The following CSMD1 variants were observed in gnomAD, a reference collection of about 807,000 sequenced individuals.
CSMD1 encodes CUB and Sushi multiple domains 1, also known as CUB and sushi domain-containing protein 1.
A neutral mutation model predicts 417.5 loss-of-function variants in CSMD1; 213 were observed. The ratio of observed to expected loss-of-function variants is 0.51; its 90% CI spans 0.46 to 0.57. CSMD1 has a LOEUF of 0.57. Among genes scored for constraint, CSMD1 ranks in the 20% least tolerant of loss-of-function variants. The pLI, the probability that CSMD1 is intolerant of heterozygous loss-of-function variation, is 0.00. For missense variants in CSMD1, 6,923 were observed against 4,529.7 expected, an observed-to-expected ratio of 1.53 and a Z score of -15.17; for synonymous variants, 2,862 against 1,736.8, an observed-to-expected ratio of 1.65 and a Z score of -16.11.
intron 12 of CSMD1, among the ~76,000 whole-genome samples, chr8:3,433,826 C>T (rs546289366): frequency 9.8e-5 from 15 of 152,310 alleles, no homozygotes; most frequent in South Asian, 2.1e-4. Flanking sequence ...AACGGGCTCC[C>T]GTGGCAGCTC....
chr8:3,969,606 A>T (rs1230235970), intron 5 of CSMD1, among the ~76,000 whole-genome samples: 1 of 152,224 alleles, frequency 6.6e-6, no homozygotes, highest in African/African-American at 2.4e-5. Context: ...TCGTAACTTG[A>T]CATAAAATTA....
In CSMD1 at chr8:3,634,563, C is replaced by T. The variant is rs1198581100; in HGVS notation, c.1010-17766G>A. Among the ~76,000 whole-genome samples, 5 of 152,196 alleles carry T rather than the reference C, an allele frequency of 3.3e-5. No homozygotes were observed. The South Asian group carries it at 8.3e-4, about 25-fold the overall frequency. Reference sequence around the variant, plus strand: ...TTTTTGCCTTTAAACTGTCTCTTTTCACTGTCACAAGCCATAGCCATGCAC... The same window carrying T: ...TTTTTGCCTTTAAACTGTCTCTTTTTACTGTCACAAGCCATAGCCATGCAC... On this transcript the variant is annotated intron_variant, in intron 7 of 69. Coordinates refer to ENST00000635120, the MANE Select transcript of CSMD1 (RefSeq NM_033225.6).
In CSMD1 at chr8:4,954,423, T is replaced by C. The variant is rs565613666; in HGVS notation, c.85+39909A>G. On this transcript the variant is annotated intron_variant, in intron 1 of 69. Coordinates refer to ENST00000635120, the MANE Select transcript of CSMD1 (RefSeq NM_033225.6). Reference sequence around the variant, plus strand: ...GCTGTTTCCAGGTTAGCACTCCCAATGCTGTGCACAATTGTATAGCTGACA... The same window carrying C: ...GCTGTTTCCAGGTTAGCACTCCCAACGCTGTGCACAATTGTATAGCTGACA... Among the ~76,000 whole-genome samples the C allele has an allele frequency of 4.5e-4, 68 of 152,272 alleles. No individual in the cohort carries two copies. The South Asian group carries it at 7.7e-3, about 17-fold the overall frequency.
At chr8:4,885,207 T>C (rs1803658486) in intron 1 of CSMD1, among the ~76,000 whole-genome samples, 1 of 152,098 alleles carries the variant, frequency 6.6e-6, no homozygotes, top group Non-Finnish European at 1.5e-5. Context: ...CTAAATTTTA[T>C]TTTTAGATAT....
At chr8:4,413,236 C>T (rs1456371885) in intron 3 of CSMD1, among the ~76,000 whole-genome samples, 2 of 152,202 alleles carry the variant, frequency 1.3e-5, no homozygotes, top group African/African-American at 2.4e-5. Flanking sequence ...CAGGGTGCAA[C>T]TGTGAGCTGG....
rs1402022411 is a variant in CSMD1 at position 3,018,655 on chromosome 8, A to C, written c.7856-5T>G. On this transcript the variant is annotated splice_region_variant and splice_polypyrimidine_tract_variant and intron_variant, in intron 51 of 69. Transcript: ENST00000635120. ...AAAGGCTTCCACACGAGATAACTAG[A>C]AGGAAAAACAATAAAATGAACATCA... is the stretch of plus-strand genomic sequence containing the variant. The C allele has an allele frequency of 6.2e-7, 1 of 1,608,900 alleles. No individual in the cohort carries two copies. The highest frequency in any genetic ancestry group is 2.2e-5 in the East Asian group (1 of 44,760).
chr8:3,613,477 T>G (rs1026825805), intron 8 of CSMD1, among the ~76,000 whole-genome samples: 3 of 151,962 alleles, frequency 2.0e-5, no homozygotes, highest in African/African-American at 7.2e-5. Flanking sequence ...CTATCATAAC[T>G]CATAAAAATA....
chr8:4,304,538 A>G (rs1798144237), intron 3 of CSMD1, among the ~76,000 whole-genome samples: 1 of 152,196 alleles, frequency 6.6e-6, no homozygotes, highest in South Asian at 2.1e-4. Context: ...GCCACCTGCT[A>G]GCTCATCGTG....
intron 2 of CSMD1, among the ~76,000 whole-genome samples, chr8:4,546,038 T>TG (rs1797615756): frequency 2.0e-5 from 3 of 152,292 alleles, no homozygotes; most frequent in South Asian, 4.1e-4. Flanking sequence ...CTTTTCAGCT[T>TG]CCCTCCACTT....
intron 26 of CSMD1, among the ~76,000 whole-genome samples, chr8:3,247,515 A>G (rs978215663): frequency 6.6e-6 from 1 of 152,216 alleles, no homozygotes; most frequent in African/African-American, 2.4e-5. Context: ...ATCCAACCCT[A>G]CGAGGCAAGC....
intron 5 of CSMD1, among the ~76,000 whole-genome samples, chr8:3,896,237 A>G (rs74999943): frequency 0.049 from 7,517 of 152,232 alleles, 251 homozygotes; most frequent in African/African-American, 0.096. Flanking sequence ...TGCTGTCACC[A>G]AAATTTCTCA....
At chr8:3,101,422 G>A (rs1207685044) in intron 46 of CSMD1, among the ~76,000 whole-genome samples, 3 of 152,118 alleles carry the variant, frequency 2.0e-5, no homozygotes, top group Non-Finnish European at 4.4e-5. Context: ...CTCCATATAA[G>A]GCTGACTACT....
chr8:3,204,522 T>C (rs1329694105), intron 31 of CSMD1, among the ~76,000 whole-genome samples: 14 of 152,170 alleles, frequency 9.2e-5, no homozygotes, highest in Admixed American at 9.2e-4. Flanking sequence ...TTACTGCCCA[T>C]TTATCATAAC....
At chr8:3,566,399 A>G (rs993545658) in intron 10 of CSMD1, among the ~76,000 whole-genome samples, 1 of 152,162 alleles carries the variant, frequency 6.6e-6, no homozygotes, top group Non-Finnish European at 1.5e-5. Flanking sequence ...GAACGGACCC[A>G]GGACATACAG....
chr8:4,406,575 G>C (rs1188659013), intron 3 of CSMD1, among the ~76,000 whole-genome samples: 1 of 152,080 alleles, frequency 6.6e-6, no homozygotes, highest in African/African-American at 2.4e-5. Flanking sequence ...AGGCATATGA[G>C]CTTCTGAGAC....
chr8:4,125,047 T>C (rs928657951), intron 3 of CSMD1, among the ~76,000 whole-genome samples: 1 of 151,846 alleles, frequency 6.6e-6, no homozygotes, highest in Non-Finnish European at 1.5e-5. Context: ...GTTTCTCTAA[T>C]TCAGCTGTAA....
intron 1 of CSMD1, among the ~76,000 whole-genome samples, chr8:4,934,982 A>C (rs36053043): frequency 1.3e-5 from 2 of 151,986 alleles, no homozygotes; most frequent in African/African-American, 2.4e-5. Flanking sequence ...TCTATCAATC[A>C]TCTGTCTATA....
In CSMD1 at chr8:3,189,038, A is replaced by G. The variant is rs770979221; in HGVS notation, c.5399-27T>C. ...TAAAAGACACAACCATATGTCATGA[A>G]ATAAAGTGCTGTGGGACAGTGTTGA... On this transcript the variant is annotated intron_variant, in intron 34 of 69. Transcript: ENST00000635120. 1.9e-6 allele frequency: 3 copies of G among 1,600,778 alleles called. No homozygotes were observed. In the Admixed American group the frequency reaches 5.1e-5, roughly 27 times the overall value.
chr8:4,285,055 C>T (rs574566621), intron 3 of CSMD1, among the ~76,000 whole-genome samples: 1 of 152,098 alleles, frequency 6.6e-6, no homozygotes, highest in Non-Finnish European at 1.5e-5. Context: ...AAGCATAACA[C>T]AATAGTCAGA....
Sources: gnomAD v4.1 joint callset for allele counts (sites outside exome capture counted in the v4.1 genomes callset) on GRCh38, gnomAD v4.1.1 for gene constraint, MANE v1.5 for transcripts, NCBI Gene and HGNC (gene_info 2026-07-23, HGNC 2026-07-21) for gene names.